SCN8A: variants seen among roughly 807,000 people sequenced by gnomAD.
SCN8A encodes sodium voltage-gated channel alpha subunit 8.
Under a neutral mutation model 184.1 loss-of-function variants are expected in SCN8A, and 30 were observed. The observed-to-expected ratio is 0.16, with a 90% CI of 0.12 to 0.22. The LOEUF (loss-of-function observed/expected upper bound fraction) is 0.22. SCN8A is among the 10% of genes least tolerant of loss of function. The pLI, the probability that SCN8A is intolerant of heterozygous loss-of-function variation, is 1.00. For synonymous variants in SCN8A, 852 were observed against 907.0 expected (o/e 0.94, Z 1.09); for missense variants, 1,057 against 2,498.9 (o/e 0.42, Z 12.30).
chr12:51,720,702 A>G (rs1488218312), intron 11 of SCN8A, among the ~76,000 whole-genome samples: 1 of 152,170 alleles, frequency 6.6e-6, no homozygotes, highest in Non-Finnish European at 1.5e-5. Context: ...CTTGAAGGCC[A>G]CTGTTGGAGT....
At chr12:51,733,456 T>C (rs1416651043) in intron 12 of SCN8A, among the ~76,000 whole-genome samples, 3 of 152,206 alleles carry the variant, frequency 2.0e-5, no homozygotes, top group African/African-American at 7.2e-5. Flanking sequence ...CTTGGTTTGC[T>C]AGTATTTTGT....
intron 1 of SCN8A, among the ~76,000 whole-genome samples, chr12:51,605,834 C>G (rs956520469): frequency 6.6e-6 from 1 of 151,994 alleles, no homozygotes; most frequent in Admixed American, 6.6e-5. Flanking sequence ...TTCCCATTTC[C>G]CTGATCATTA....
intron 2 of SCN8A, among the ~76,000 whole-genome samples, chr12:51,676,626 G>C (rs1941227378): frequency 6.6e-6 from 1 of 152,182 alleles, no homozygotes; most frequent in African/African-American, 2.4e-5. Flanking sequence ...GTTTAGGCAG[G>C]CAAGAATTTA....
intron 19 of SCN8A, 92 bp downstream of exon 19, chr12:51,770,775 C>A: frequency 7.5e-7 from 1 of 1,332,124 alleles, no homozygotes; most frequent in Non-Finnish European, 1.1e-6. Flanking sequence ...CCCAGTGGCT[C>A]TGAAAACAGA....
intron 1 of SCN8A, among the ~76,000 whole-genome samples, chr12:51,593,502 C>T (rs1939277107): frequency 6.6e-6 from 1 of 152,122 alleles, no homozygotes; most frequent in South Asian, 2.1e-4. Flanking sequence ...AATACTGCAT[C>T]CTTAAAAACA....
intron 26 of SCN8A, among the ~76,000 whole-genome samples, chr12:51,803,381 T>G (rs1177014096): frequency 1.3e-5 from 2 of 151,964 alleles, no homozygotes; most frequent in African/African-American, 4.8e-5. Flanking sequence ...CCCACCCACA[T>G]TGAGGATGGG....
At chr12:51,677,887 T>C (rs1468269867) in intron 2 of SCN8A, among the ~76,000 whole-genome samples, 2 of 152,204 alleles carry the variant, frequency 1.3e-5, no homozygotes, top group Admixed American at 1.3e-4. Flanking sequence ...TTTAACTCAT[T>C]TACTTCACAA....
At chr12:51,752,418 T>TCACACA (rs149943877) in intron 14 of SCN8A, among the ~76,000 whole-genome samples, 2 of 150,382 alleles carry the variant, frequency 1.3e-5, no homozygotes, top group Non-Finnish European at 3.0e-5. Flanking sequence ...TCTCCCTCTC[T>TCACACA]CACACACACA....
At chr12:51,672,080 C>T (rs774783805) in intron 2 of SCN8A, among the ~76,000 whole-genome samples, 2 of 152,110 alleles carry the variant, frequency 1.3e-5, no homozygotes, top group East Asian at 1.9e-4. Flanking sequence ...CTGTATTTTC[C>T]GTCTTTCCTC....
chr12:51,641,169 C>T (rs1195353169), intron 1 of SCN8A, among the ~76,000 whole-genome samples: 1 of 152,134 alleles, frequency 6.6e-6, no homozygotes, highest in Non-Finnish European at 1.5e-5. Context: ...ATAGCATTTA[C>T]ATCATATTAG....
chr12:51,719,453 A>G (rs2138776262), intron 11 of SCN8A, among the ~76,000 whole-genome samples: 1 of 28,590 alleles, frequency 3.5e-5, no homozygotes, highest in East Asian at 6.3e-4. Context: ...AATTTTTTGT[A>G]TAATTTGTTG....
chr12:51,706,276 C>A, intron 10 of SCN8A, 146 bp from the exon 11 acceptor site: 1 of 690,290 alleles, frequency 1.4e-6, no homozygotes, highest in Non-Finnish European at 2.2e-6. Flanking sequence ...CCAGAATACA[C>A]AGAAACCCTC....
chr12:51,613,217 C>T (rs190580221), intron 1 of SCN8A, among the ~76,000 whole-genome samples: 1 of 152,210 alleles, frequency 6.6e-6, no homozygotes, highest in Non-Finnish European at 1.5e-5. Context: ...GTAGAATTCT[C>T]CAGGGAAACC....
chr12:51,754,220 CT>C (rs1224907858), intron 14 of SCN8A, among the ~76,000 whole-genome samples: 2 of 152,040 alleles, frequency 1.3e-5, no homozygotes, highest in African/African-American at 4.8e-5. Flanking sequence ...GATTCTTTTC[CT>C]GCCTTTTTTG....
At chr12:51,764,177 G>A (rs1449976895) in intron 15 of SCN8A, among the ~76,000 whole-genome samples, 1 of 152,064 alleles carries the variant, frequency 6.6e-6, no homozygotes, top group Non-Finnish European at 1.5e-5. Flanking sequence ...TGAACTCTCT[G>A]ATAAGATAAC....
intron 19 of SCN8A, among the ~76,000 whole-genome samples, chr12:51,771,507 A>G (rs1247820321): frequency 6.6e-6 from 1 of 152,186 alleles, no homozygotes; most frequent in Non-Finnish European, 1.5e-5. Context: ...GGGAAGTTTC[A>G]CTGACTTGTG....
rs1280268491 is a variant in SCN8A, at chr12:51,769,347, G to A, written c.3372+12G>A. Reference sequence around the variant, plus strand: ...AAGGCAGCAAAGATGTAAGGTCCCAGCCTAGAAACAGCCTTGATCCTGTGT... The same window carrying A: ...AAGGCAGCAAAGATGTAAGGTCCCAACCTAGAAACAGCCTTGATCCTGTGT... On this transcript the variant is annotated intron_variant, in intron 17 of 26. Coordinates refer to ENST00000627620, the MANE Select transcript of SCN8A (RefSeq NM_001330260.2). The A allele has an allele frequency of 1.3e-6, 2 of 1,559,756 alleles. No individual in the cohort carries two copies. The highest frequency in any genetic ancestry group is 1.3e-5 in the African/African-American group (1 of 74,106).
In SCN8A at chr12:51,769,853, T is replaced by C; in HGVS notation, c.3373-15T>C. 6.4e-7 allele frequency: 1 copy of C among 1,553,664 alleles called. No individual in the cohort carries two copies. Among genetic ancestry groups the C allele is most frequent in the South Asian group, 1.2e-5 (1 of 84,872 alleles). On this transcript the variant is annotated splice_polypyrimidine_tract_variant and intron_variant, in intron 17 of 26. Coordinates refer to ENST00000627620, the MANE Select transcript of SCN8A (RefSeq NM_001330260.2). ...CCTCAGAGCTGCCTGATCTCCCTTT[T>C]CCTTGCGTGTCTAGAAACTAGATGA...
intron 6 of SCN8A, among the ~76,000 whole-genome samples, chr12:51,691,301 C>G (rs1432411438): frequency 1.3e-5 from 2 of 152,178 alleles, no homozygotes; most frequent in Admixed American, 1.3e-4. Context: ...TGTCTCTAGT[C>G]TAGCTCATAG....
Sources: gnomAD v4.1 joint callset for allele counts (sites outside exome capture counted in the v4.1 genomes callset) on GRCh38, gnomAD v4.1.1 for gene constraint, MANE v1.5 for transcripts, NCBI Gene and HGNC (gene_info 2026-07-23, HGNC 2026-07-21) for gene names.